SKI: variants seen among roughly 807,000 people sequenced by gnomAD.
SKI encodes SKI proto-oncogene, also known as ski oncogene.
SKI carries 23 observed loss-of-function variants against 59.3 expected under a neutral mutation model. The observed-to-expected ratio is 0.39, with a 90% CI of 0.28 to 0.55. SKI has a LOEUF of 0.55. Among genes scored for constraint, SKI ranks in the 20% least tolerant of loss-of-function variants. The pLI is 0.67. For synonymous variants in SKI, 673 were observed against 488.6 expected (o/e 1.38, Z -4.98); for missense variants, 1,017 against 1,038.9 (o/e 0.98, Z 0.29).
At chr1:2,238,189 G>A (rs778804286) in intron 1 of SKI, among the ~76,000 whole-genome samples, 1 of 152,346 alleles carries the variant, frequency 6.6e-6, no homozygotes, top group Non-Finnish European at 1.5e-5. Flanking sequence ...CAGAGAACCC[G>A]AGCCTTCCTT....
chr1:2,295,966 T>C (rs1640275649), intron 1 of SKI, among the ~76,000 whole-genome samples: 1 of 152,206 alleles, frequency 6.6e-6, no homozygotes, highest in Non-Finnish European at 1.5e-5. Flanking sequence ...CTGGGCGATG[T>C]AACTGTGTTA....
chr1:2,261,243 AGAG>A (rs1311273526), intron 1 of SKI, among the ~76,000 whole-genome samples: 1 of 152,186 alleles, frequency 6.6e-6, no homozygotes. Context: ...GCACTTTTTC[AGAG>A]CTGTTACAGC....
At chr1:2,305,138 C>G (rs1020387981) in intron 5 of SKI, among the ~76,000 whole-genome samples, 2 of 152,236 alleles carry the variant, frequency 1.3e-5, no homozygotes, top group African/African-American at 4.8e-5. Context: ...CGCACAGACA[C>G]ACACACACCC....
intron 1 of SKI, among the ~76,000 whole-genome samples, chr1:2,273,806 G>C (rs775104667): frequency 1.3e-4 from 20 of 152,308 alleles, no homozygotes; most frequent in Admixed American, 1.0e-3. Flanking sequence ...TTGGGAGCAC[G>C]GTGGCCCTCC....
intron 1 of SKI, among the ~76,000 whole-genome samples, chr1:2,297,416 G>A (rs186673354): frequency 6.6e-6 from 1 of 152,308 alleles, no homozygotes; most frequent in South Asian, 2.1e-4. Context: ...TGCCCAGCCC[G>A]CTCACCACGC....
Position 2,244,627 on chromosome 1 carries a change from T to C in SKI, c.969+14892T>C, listed in dbSNP as rs548369084. 4.6e-5 allele frequency among the ~76,000 whole-genome samples: 7 copies of C among 152,296 alleles called. 1 individual carries two copies. The South Asian group carries it at 6.2e-4, about 14-fold the overall frequency. On this transcript the variant is annotated intron_variant, in intron 1 of 6. Transcript: ENST00000378536. ...GATTCTGTCATTTAGAGTGTCTTTGTTAATTTGAAAGGTGAAAAATCTCAT... is the reference window on the plus strand; with the variant it reads ...GATTCTGTCATTTAGAGTGTCTTTGCTAATTTGAAAGGTGAAAAATCTCAT...
chr1:2,283,159 C>T (rs374697754), intron 1 of SKI, among the ~76,000 whole-genome samples: 7 of 152,134 alleles, frequency 4.6e-5, no homozygotes, highest in East Asian at 1.9e-4. Context: ...AGGCTTTGTG[C>T]GGAGGCTGGG....
chr1:2,304,136 G>C, intron 4 of SKI, 34 bp downstream of exon 4: 1 of 1,609,076 alleles, frequency 6.2e-7, no homozygotes, highest in South Asian at 1.1e-5. Flanking sequence ...CCTCCTCCCT[G>C]TGGGCTGTGG....
intron 1 of SKI, among the ~76,000 whole-genome samples, chr1:2,230,655 C>A (rs999919954): frequency 7.9e-5 from 12 of 152,136 alleles, no homozygotes. Context: ...CACGAGGTGC[C>A]GAAATTACTC....
At chr1:2,250,215 T>G (rs544091907) in intron 1 of SKI, among the ~76,000 whole-genome samples, 14 of 152,348 alleles carry the variant, frequency 9.2e-5, no homozygotes, top group African/African-American at 3.4e-4. Flanking sequence ...CATGGCCACC[T>G]GTTTTAAGGA....
intron 1 of SKI, among the ~76,000 whole-genome samples, chr1:2,233,865 C>T (rs1172876802): frequency 1.3e-5 from 2 of 152,212 alleles, no homozygotes; most frequent in African/African-American, 4.8e-5. Context: ...CTTTCTGGGA[C>T]ACCCCTCACT....
At chr1:2,302,450 G>T (rs1174202994) in intron 1 of SKI, among the ~76,000 whole-genome samples, 1 of 152,146 alleles carries the variant, frequency 6.6e-6, no homozygotes, top group Non-Finnish European at 1.5e-5. Context: ...GGGACACGGT[G>T]TCCCCTCCCC....
In SKI at chr1:2,229,695, A is replaced by G. The variant is rs765134193; in HGVS notation, c.929A>G (p.Lys310Arg). 6.3e-7 allele frequency: 1 copy of G among 1,596,816 alleles called. No homozygotes were observed. The highest frequency in any genetic ancestry group is 8.5e-7 in the Non-Finnish European group (1 of 1,172,546). The change falls in exon 1 of 7, where the codon AAA (lysine) becomes AGA (arginine). Residue 310 changes from lysine (K) to arginine (R), a missense_variant. Physicochemically the swap from Lys to Arg is conservative, Grantham distance 26 (BLOSUM62 2). Coordinates refer to ENST00000378536, the MANE Select transcript of SKI (RefSeq NM_003036.4). The surrounding 1 kb of genome is among the most constrained non-coding windows in gnomAD (Gnocchi z 6.3). ...LGRCLDDVKE[K>R]FDYGNKYKRR... ...CGCTGCCTGGACGACGTGAAGGAGA[A>G]ATTCGACTATGGCAACAAGTACAAG...
At chr1:2,295,609 A>G (rs1169460061) in intron 1 of SKI, among the ~76,000 whole-genome samples, 1 of 151,950 alleles carries the variant, frequency 6.6e-6, no homozygotes, top group East Asian at 1.9e-4. Flanking sequence ...CCATAGAAGT[A>G]GAGCCACGTG....
rs1411542537 is a variant in SKI, at chr1:2,307,260, C to T, written c.*495C>T. ...CTGCGTGAGGACAGCAGGGGTTTTT[C>T]TTCAGAGTCTATTTTTTCAGCGACA... is the stretch of plus-strand genomic sequence containing the variant. On this transcript the variant is annotated 3_prime_UTR_variant, in exon 7 of 7. Transcript: ENST00000378536. The T allele has an allele frequency of 7.0e-6, 1 of 142,448 alleles. No individual in the cohort carries two copies. The highest frequency in any genetic ancestry group is 7.0e-5 in the Admixed American group (1 of 14,372). 8.8% of individuals were successfully genotyped at this position (142,448 alleles called of 1,614,324 possible).
In SKI at chr1:2,229,738, G is replaced by A; in HGVS notation, c.969+3G>A. 3 of 1,556,136 alleles carry A rather than the reference G, an allele frequency of 1.9e-6. No homozygotes were observed. Among genetic ancestry groups the A allele is most frequent in the South Asian group, 1.2e-5 (1 of 84,846 alleles). On this transcript the variant is annotated splice_donor_region_variant and intron_variant, in intron 1 of 6. Coordinates refer to ENST00000378536, the MANE Select transcript of SKI (RefSeq NM_003036.4). The surrounding 1 kb of genome is among the most constrained non-coding windows in gnomAD (Gnocchi z 6.3). ...AGTACAAGCGGCGGGTGCCCCGGGT[G>A]AGTGGCCCCAGGCCTGGGAGCTGGG...
At chr1:2,235,474 A>G (rs74603310) in intron 1 of SKI, among the ~76,000 whole-genome samples, 56 of 152,324 alleles carry the variant, frequency 3.7e-4, no homozygotes, top group African/African-American at 1.3e-3. Flanking sequence ...GGTGACCCTC[A>G]GGAAGCTCTG....
At chr1:2,271,693 G>C (rs1359219809) in intron 1 of SKI, among the ~76,000 whole-genome samples, 6 of 150,924 alleles carry the variant, frequency 4.0e-5, no homozygotes, top group Admixed American at 4.0e-4. Context: ...CCCGCCCCAG[G>C]GCGGGGATTG....
intron 1 of SKI, among the ~76,000 whole-genome samples, chr1:2,276,741 C>T (rs570058353): frequency 2.8e-4 from 43 of 152,286 alleles, no homozygotes; most frequent in African/African-American, 9.9e-4. Flanking sequence ...GAGTATGTGG[C>T]CATCCTCTGG....
Sources: allele counts gnomAD v4.1 joint callset (sites outside exome capture counted in the v4.1 genomes callset), GRCh38; gene constraint gnomAD v4.1.1; non-coding constraint Gnocchi (gnomAD v3.1); transcripts MANE v1.5; gene names NCBI Gene and HGNC (gene_info 2026-07-23, HGNC 2026-07-21).